Variants in WDR49 observed in about 807,000 individuals in gnomAD.
WDR49 encodes the protein cilia- and flagella-associated protein 337.
A neutral mutation model predicts 119.5 loss-of-function variants in WDR49; 107 were observed. That is an observed-to-expected ratio of 0.90 (90% confidence interval 0.77 to 1.05). WDR49 has a LOEUF of 1.05. Ranked by LOEUF, WDR49 falls within the 50% of genes least tolerant of loss-of-function variation. The pLI is 0.00. For synonymous variants in WDR49, 425 were observed against 418.8 expected, an observed-to-expected ratio of 1.01 and a Z score of -0.18; for missense variants, 1,240 against 1,220.5, an observed-to-expected ratio of 1.02 and a Z score of -0.24.
At chr3:167,655,421 CT>C (rs1235000055), upstream of WDR49, among the ~76,000 whole-genome samples, 1 of 152,176 alleles carries the variant, frequency 6.6e-6, no homozygotes, top group Non-Finnish European at 1.5e-5. Context: ...GGCATTACAT[CT>C]TCTCTAGGGT....
At chr3:167,585,433 T>TGTGC (rs1027042891) in intron 7 of WDR49, among the ~76,000 whole-genome samples, 4 of 145,312 alleles carry the variant, frequency 2.8e-5, no homozygotes, top group African/African-American at 1.1e-4. Flanking sequence ...TGTGTGTGTG[T>TGTGC]CATGGCTAAC....
At chr3:167,614,243 A>G (rs1265916824) in intron 5 of WDR49, among the ~76,000 whole-genome samples, 1 of 151,988 alleles carries the variant, frequency 6.6e-6, no homozygotes, top group African/African-American at 2.4e-5. Context: ...CTGGGATTAC[A>G]AGCGCCCACC....
intron 8 of WDR49, chr3:167,566,996 G>A (rs1455139482): frequency 5.9e-6 from 3 of 508,992 alleles, no homozygotes; most frequent in Non-Finnish European, 1.0e-5. Context: ...AGGAGAGGTG[G>A]GCACACTTGG....
At chr3:167,649,251 G>A (rs1213280397) in intron 2 of WDR49, among the ~76,000 whole-genome samples, 1 of 152,048 alleles carries the variant, frequency 6.6e-6, no homozygotes. Context: ...AGAAGGCCTA[G>A]AGAAGGATGG....
chr3:167,562,143 A>C (rs886945043), intron 8 of WDR49, among the ~76,000 whole-genome samples: 1 of 152,140 alleles, frequency 6.6e-6, no homozygotes, highest in Non-Finnish European at 1.5e-5. Context: ...ATTGGGGGCC[A>C]ATGATTAATC....
Position 167,527,880 on chromosome 3 carries a change from AGAG to A in WDR49, c.2541_2543del (p.Ser848del). On this transcript the variant is annotated inframe_deletion, in exon 15 of 19. Coordinates refer to ENST00000682715, the MANE Select transcript of WDR49 (RefSeq NM_001366157.1). ...CAGTCACACAAATACTGCAGTCTGC[AGAG>A]GAGGAGATAATCAGTAACTGACCAC... 6.2e-7 allele frequency: 1 copy of A among 1,613,262 alleles called. No homozygotes were observed. The highest frequency in any genetic ancestry group is 1.7e-5 in the Admixed American group (1 of 59,854).
At chr3:167,529,330 A>T in intron 13 of WDR49, 91 bp from the exon 14 acceptor site, 1 of 1,236,170 alleles carries the variant, frequency 8.1e-7, no homozygotes, top group Non-Finnish European at 1.1e-6. Context: ...AAAGCATGTG[A>T]TGTTGAAGAG....
intron 4 of WDR49, 27 bp from the exon 5 acceptor site, chr3:167,620,630 A>C (rs1410368284): frequency 4.0e-6 from 6 of 1,508,840 alleles, no homozygotes; most frequent in Non-Finnish European, 5.3e-6. Flanking sequence ...AAAGAACAAC[A>C]ATCGTGGACG....
At chr3:167,489,111 C>T (rs1751030468) in intron 18 of WDR49, among the ~76,000 whole-genome samples, 1 of 152,058 alleles carries the variant, frequency 6.6e-6, no homozygotes, top group Non-Finnish European at 1.5e-5. Flanking sequence ...TATTTATCTA[C>T]TTATTATTAC....
chr3:167,569,894 C>A lies in WDR49; in HGVS notation c.1509+6024G>T, dbSNP rs139219849. On this transcript the variant is annotated intron_variant, in intron 8 of 18. Transcript: ENST00000682715. ...ATAAGAGAAAATATATGCCACCTAT[C>A]TTTTTGTTGTTTTGAATTTTTCAAC... is the stretch of plus-strand genomic sequence containing the variant. Among the ~76,000 whole-genome samples, 782 of 152,188 alleles carry A rather than the reference C, an allele frequency of 5.1e-3. 7 individuals carry two copies. The highest frequency in any genetic ancestry group is 0.018 in the African/African-American group (748 of 41,516).
At chr3:167,590,619 T>C (rs192261094) in intron 7 of WDR49, among the ~76,000 whole-genome samples, 110 of 152,182 alleles carry the variant, frequency 7.2e-4, no homozygotes, top group Non-Finnish European at 1.3e-3. Flanking sequence ...ATTTTTATGG[T>C]TCAATCTTGG....
intron 5 of WDR49, among the ~76,000 whole-genome samples, chr3:167,604,984 C>T (rs186160215): frequency 2.1e-3 from 315 of 151,010 alleles, no homozygotes; most frequent in Non-Finnish European, 2.9e-3. Flanking sequence ...TCTAGTTTTA[C>T]TATTTTGGTA....
intron 3 of WDR49, among the ~76,000 whole-genome samples, chr3:167,624,580 T>TCA (rs1717036127): frequency 6.6e-6 from 1 of 152,054 alleles, no homozygotes; most frequent in Non-Finnish European, 1.5e-5. Flanking sequence ...TTAAAATCTA[T>TCA]CAGCTTGGGA....
intron 10 of WDR49, among the ~76,000 whole-genome samples, chr3:167,537,415 G>T (rs7433123): frequency 0.29 from 43,843 of 151,550 alleles, 6,516 homozygotes; most frequent in African/African-American, 0.35. Flanking sequence ...GTCAATAAGG[G>T]TTTTTTTTCA....
At chr3:167,614,388 C>T (rs1237991728) in intron 5 of WDR49, among the ~76,000 whole-genome samples, 1 of 152,188 alleles carries the variant, frequency 6.6e-6, no homozygotes, top group Non-Finnish European at 1.5e-5. Context: ...CATGAGCCAC[C>T]TGGCCTCATT....
At chr3:167,610,579 G>T (rs1406415090) in intron 5 of WDR49, among the ~76,000 whole-genome samples, 2 of 152,214 alleles carry the variant, frequency 1.3e-5, no homozygotes, top group African/African-American at 4.8e-5. Context: ...CTTGCAGATG[G>T]CATTTTGGGA....
intron 18 of WDR49, among the ~76,000 whole-genome samples, chr3:167,489,474 C>A (rs984839420): frequency 6.6e-6 from 1 of 152,040 alleles, no homozygotes; most frequent in Non-Finnish European, 1.5e-5. Context: ...TATTCCCTAC[C>A]TGGGAAAATA....
chr3:167,556,614 C>G (rs551259519), intron 9 of WDR49, among the ~76,000 whole-genome samples: 2 of 152,172 alleles, frequency 1.3e-5, no homozygotes, highest in Non-Finnish European at 2.9e-5. Flanking sequence ...GGCCAGGCAC[C>G]GTGGCTCATG....
At chr3:167,499,397 T>G (rs964242930) in intron 18 of WDR49, among the ~76,000 whole-genome samples, 4 of 152,178 alleles carry the variant, frequency 2.6e-5, no homozygotes, top group African/African-American at 9.6e-5. Flanking sequence ...AATTCTGATT[T>G]TTTCTGATTG....
Sources: allele counts gnomAD v4.1 joint callset (sites outside exome capture counted in the v4.1 genomes callset), GRCh38; gene constraint gnomAD v4.1.1; transcripts MANE v1.5; gene names NCBI Gene and HGNC (gene_info 2026-07-23, HGNC 2026-07-21).